Variants in VRK2 observed in about 807,000 individuals in gnomAD.
The protein encoded by VRK2 is serine/threonine-protein kinase VRK2.
VRK2 carries 60 observed loss-of-function variants against 57.6 expected under a neutral mutation model. The ratio of observed to expected loss-of-function variants is 1.04; its 90% CI spans 0.85 to 1.29. The LOEUF (loss-of-function observed/expected upper bound fraction) is 1.29. Ranked by LOEUF, VRK2 falls within the 50% of genes most tolerant of loss-of-function variation. The pLI is 0.00. For synonymous variants in VRK2, 231 were observed against 199.2 expected (o/e 1.16, Z -1.35); for missense variants, 705 against 588.1 (o/e 1.20, Z -2.06).
chr2:58,143,934 A>T (rs1681714426), intron 11 of VRK2, among the ~76,000 whole-genome samples: 1 of 151,570 alleles, frequency 6.6e-6, no homozygotes, highest in South Asian at 2.1e-4. Context: ...ATTCATATAT[A>T]TTGTGTCTGT....
chr2:57,922,796 C>T (rs987678603), intron 1 of VRK2, among the ~76,000 whole-genome samples: 2 of 151,684 alleles, frequency 1.3e-5, no homozygotes, highest in African/African-American at 4.8e-5. Flanking sequence ...AAATTATTGT[C>T]GATTATAGGT....
chr2:58,078,220 A>G (rs984871492), intron 2 of VRK2, among the ~76,000 whole-genome samples: 21 of 152,206 alleles, frequency 1.4e-4, no homozygotes, highest in African/African-American at 5.1e-4. Flanking sequence ...ACTACTCTAG[A>G]TACCTCATAA....
intron 1 of VRK2, among the ~76,000 whole-genome samples, chr2:57,936,865 T>A (rs972368344): frequency 6.6e-6 from 1 of 152,200 alleles, no homozygotes; most frequent in African/African-American, 2.4e-5. Context: ...AGTTTGGTCT[T>A]GCTAAAACTC....
intron 1 of VRK2, chr2:58,047,245 G>C (rs1270530349): frequency 3.3e-6 from 1 of 300,138 alleles, no homozygotes; most frequent in East Asian, 1.7e-4. Flanking sequence ...CGGCTGGGCC[G>C]CGCTGCTTCT....
At chr2:57,980,813 T>C (rs1672400187) in intron 1 of VRK2, among the ~76,000 whole-genome samples, 3 of 152,170 alleles carry the variant, frequency 2.0e-5, no homozygotes, top group African/African-American at 4.8e-5. Flanking sequence ...TGATCATTGT[T>C]GGTTTCAAGT....
chr2:58,054,743 T>A (rs1276709267), intron 2 of VRK2, among the ~76,000 whole-genome samples: 1 of 152,186 alleles, frequency 6.6e-6, no homozygotes, highest in African/African-American at 2.4e-5. Context: ...AAGGCATTTA[T>A]GGTTTTTATA....
At chr2:58,103,894 C>A (rs980527176) in intron 7 of VRK2, among the ~76,000 whole-genome samples, 8 of 151,762 alleles carry the variant, frequency 5.3e-5, no homozygotes, top group Non-Finnish European at 7.4e-5. Flanking sequence ...AGATAATACA[C>A]CATGATCAAA....
intron 2 of VRK2, among the ~76,000 whole-genome samples, chr2:58,063,455 A>G (rs1017209371): frequency 6.6e-6 from 1 of 152,016 alleles, no homozygotes; most frequent in Admixed American, 6.6e-5. Context: ...TGACTTGGTC[A>G]CTATGGTTGT....
intron 1 of VRK2, among the ~76,000 whole-genome samples, chr2:57,977,154 C>A (rs920400484): frequency 6.6e-6 from 1 of 152,100 alleles, no homozygotes; most frequent in African/African-American, 2.4e-5. Flanking sequence ...TGTGATGCCT[C>A]TGGCTTTGTT....
At chr2:57,952,712 C>G (rs910841718) in intron 1 of VRK2, among the ~76,000 whole-genome samples, 54 of 146,696 alleles carry the variant, frequency 3.7e-4, no homozygotes, top group Admixed American at 2.1e-4. Context: ...ATGGGGAGAG[C>G]AGGTGTTATC....
rs189483700 is a variant in VRK2 at position 58,016,132 on chromosome 2, T to C, written c.-438-9533T>C. On this transcript the variant is annotated intron_variant, in intron 1 of 15. Transcript: ENST00000417641. Reference sequence around the variant, plus strand: ...TTTATCTTGGGCAAGTTGCTTAAATTTTCTGTGCCTCAGTTTTCTAATCTA... The same window carrying C: ...TTTATCTTGGGCAAGTTGCTTAAATCTTCTGTGCCTCAGTTTTCTAATCTA... Among the ~76,000 whole-genome samples the C allele has an allele frequency of 7.8e-4, 119 of 152,296 alleles. 1 individual carries two copies. The highest frequency in any genetic ancestry group is 1.0e-3 in the Non-Finnish European group (68 of 68,022).
chr2:57,937,604 A>G (rs767798554), intron 1 of VRK2, among the ~76,000 whole-genome samples: 2 of 152,222 alleles, frequency 1.3e-5, no homozygotes, highest in African/African-American at 4.8e-5. Context: ...GAAAGCCAGG[A>G]AGTAAACAGA....
At chr2:57,937,143 C>T (rs952355989) in intron 1 of VRK2, among the ~76,000 whole-genome samples, 2 of 152,106 alleles carry the variant, frequency 1.3e-5, no homozygotes, top group Non-Finnish European at 2.9e-5. Context: ...TACTGTAGAC[C>T]AATTCAGAAG....
chr2:58,156,987 G>C (rs1321156283), intron 12 of VRK2, among the ~76,000 whole-genome samples: 6 of 152,114 alleles, frequency 3.9e-5, no homozygotes, highest in South Asian at 2.1e-4. Context: ...TTTGAGGTTA[G>C]TTCTGGCAGA....
intron 12 of VRK2, among the ~76,000 whole-genome samples, chr2:58,156,802 A>G (rs1683947367): frequency 6.6e-6 from 1 of 152,110 alleles, no homozygotes; most frequent in Non-Finnish European, 1.5e-5. Context: ...TAGATGTTTT[A>G]TAGTCCTTGT....
At chr2:57,976,666 G>C (rs1454763665) in intron 1 of VRK2, among the ~76,000 whole-genome samples, 2 of 151,986 alleles carry the variant, frequency 1.3e-5, no homozygotes, top group Non-Finnish European at 2.9e-5. Context: ...CCCTACTGTA[G>C]GTTGTCTATT....
At chr2:57,966,391 A>T (rs1671917383) in intron 1 of VRK2, among the ~76,000 whole-genome samples, 1 of 152,208 alleles carries the variant, frequency 6.6e-6, no homozygotes, top group African/African-American at 2.4e-5. Flanking sequence ...ATCATGAGAC[A>T]GGTAAAAGGG....
chr2:58,070,939 A>T (rs1460647561), intron 2 of VRK2, among the ~76,000 whole-genome samples: 1 of 152,152 alleles, frequency 6.6e-6, no homozygotes, highest in Non-Finnish European at 1.5e-5. Context: ...GCAATGAATG[A>T]GAATTCCTGT....
In VRK2 at chr2:58,068,835, A is replaced by T. The variant is rs548437571; in HGVS notation, c.137-15254A>T. ...GGAAAAAAAAAAAAAAAAAACAAAA[A>T]CTCGGTTATGTATCTTTTAGTTTCA... is the stretch of plus-strand genomic sequence containing the variant. On this transcript the variant is annotated intron_variant, in intron 2 of 12. Transcript: ENST00000340157. Among the ~76,000 whole-genome samples, 17 of 147,868 alleles carry T rather than the reference A, an allele frequency of 1.1e-4. No individual in the cohort carries two copies. The South Asian group carries it at 2.5e-3, about 22-fold the overall frequency.
Sources: allele counts gnomAD v4.1 joint callset (sites outside exome capture counted in the v4.1 genomes callset), GRCh38; gene constraint gnomAD v4.1.1; transcripts MANE v1.5; gene names NCBI Gene and HGNC (gene_info 2026-07-23, HGNC 2026-07-21).